KDM4C: variants seen among roughly 807,000 people sequenced by gnomAD.
The protein encoded by KDM4C is lysine demethylase 4C, also known as lysine-specific demethylase 4C.
Under a neutral mutation model 129.3 loss-of-function variants are expected in KDM4C, and 81 were observed. The ratio of observed to expected loss-of-function variants is 0.63; its 90% CI spans 0.52 to 0.75. The LOEUF (loss-of-function observed/expected upper bound fraction) is 0.75, where lower values mean the gene tolerates loss of function less well. Among genes scored for constraint, KDM4C ranks in the 30% least tolerant of loss-of-function variants. The probability of loss-of-function intolerance (pLI) is 0.00; values close to 1 mark genes in which losing one functional copy is unlikely to be tolerated. For missense variants in KDM4C, 1,457 were observed against 1,304.0 expected, an observed-to-expected ratio of 1.12 and a Z score of -1.81; for synonymous variants, 573 against 456.1, an observed-to-expected ratio of 1.26 and a Z score of -3.26.
intron 15 of KDM4C, among the ~76,000 whole-genome samples, chr9:7,027,834 A>G (rs1587025422): frequency 6.6e-6 from 1 of 152,112 alleles, no homozygotes; most frequent in African/African-American, 2.4e-5. Flanking sequence ...TTTCTTTCCC[A>G]TTTCTACTGG....
At chr9:6,996,222 T>C (rs1251583235) in intron 12 of KDM4C, among the ~76,000 whole-genome samples, 1 of 152,232 alleles carries the variant, frequency 6.6e-6, no homozygotes, top group East Asian at 1.9e-4. Context: ...ACTAGCATTC[T>C]TATCAGCAGC....
chr9:7,102,841 C>G (rs552802534), intron 17 of KDM4C, among the ~76,000 whole-genome samples: 1 of 152,290 alleles, frequency 6.6e-6, no homozygotes, highest in African/African-American at 2.4e-5. Context: ...AGACCTAACC[C>G]TATGTTTTTC....
intron 1 of KDM4C, among the ~76,000 whole-genome samples, chr9:6,788,682 G>C (rs1825944649): frequency 2.6e-5 from 4 of 152,148 alleles, no homozygotes; most frequent in Admixed American, 6.5e-5. Context: ...GTATGCTAGG[G>C]CTTAAAGAGG....
intron 1 of KDM4C, among the ~76,000 whole-genome samples, chr9:6,732,634 A>G (rs1817388637): frequency 6.6e-6 from 1 of 152,192 alleles, no homozygotes. Flanking sequence ...AAGGTCACAC[A>G]GGTATCAACC....
At chr9:6,872,345 A>G (rs1195548817) in intron 5 of KDM4C, among the ~76,000 whole-genome samples, 1 of 152,118 alleles carries the variant, frequency 6.6e-6, no homozygotes, top group East Asian at 1.9e-4. Context: ...ATAAAGAGGT[A>G]TTGATTTGGG....
chr9:6,982,476 A>T (rs1241124136), intron 9 of KDM4C: 1 of 152,228 alleles, frequency 6.6e-6, no homozygotes, highest in Non-Finnish European at 1.5e-5. Context: ...GGTAAGGGCA[A>T]ATATTCACTC....
intron 1 of KDM4C, among the ~76,000 whole-genome samples, chr9:6,781,578 C>T (rs1333692859): frequency 6.6e-6 from 1 of 152,072 alleles, no homozygotes; most frequent in Non-Finnish European, 1.5e-5. Flanking sequence ...CAGCATTATG[C>T]TTGGGAGCCA....
chr9:6,984,521 A>T, intron 10 of KDM4C, 117 bp downstream of exon 10: 1 of 699,304 alleles, frequency 1.4e-6, no homozygotes, highest in Non-Finnish European at 2.5e-6. Flanking sequence ...TTAATCAGTA[A>T]TCTACCAAAG....
At chr9:6,931,536 T>C (rs1823739487) in intron 8 of KDM4C, among the ~76,000 whole-genome samples, 1 of 152,086 alleles carries the variant, frequency 6.6e-6, no homozygotes, top group South Asian at 2.1e-4. Context: ...GGTCTTGTTC[T>C]TTCACCCAGG....
rs1185295415 is a variant in KDM4C at position 6,758,961 on chromosome 9, C to G, written c.-18+758C>G. Among the ~76,000 whole-genome samples the G allele has an allele frequency of 1.3e-5, 2 of 152,212 alleles. No homozygotes were observed. The highest frequency in any genetic ancestry group is 1.5e-5 in the Non-Finnish European group (1 of 68,038). Reference sequence around the variant, plus strand: ...GCCAGTAAAGCCAGCAGCCGGGATTCAGATGCTTTCCGCGTGGACTTGATG... The same window carrying G: ...GCCAGTAAAGCCAGCAGCCGGGATTGAGATGCTTTCCGCGTGGACTTGATG... On this transcript the variant is annotated intron_variant, in intron 1 of 21. Transcript: ENST00000381309. The surrounding 1 kb of genome is among the most constrained non-coding windows in gnomAD (Gnocchi z 4.6).
chr9:7,169,477 A>C (rs549080133), intron 20 of KDM4C, among the ~76,000 whole-genome samples: 1 of 152,186 alleles, frequency 6.6e-6, no homozygotes. Context: ...CTGGGACTAC[A>C]GGCATGCGCC....
intron 1 of KDM4C, among the ~76,000 whole-genome samples, chr9:6,790,727 A>T (rs1004320881): frequency 6.8e-6 from 1 of 147,510 alleles, no homozygotes; most frequent in South Asian, 2.2e-4. Context: ...GTGCTGTCAG[A>T]TGCCAGGTCC....
intron 1 of KDM4C, among the ~76,000 whole-genome samples, chr9:6,731,032 C>T (rs1257394215): frequency 6.6e-6 from 1 of 152,176 alleles, no homozygotes; most frequent in Non-Finnish European, 1.5e-5. Flanking sequence ...CTTTAACAAT[C>T]ACCCTCTTTT....
intron 18 of KDM4C, among the ~76,000 whole-genome samples, chr9:7,115,934 T>G (rs7862329): frequency 1.3e-5 from 2 of 151,960 alleles, no homozygotes; most frequent in South Asian, 4.1e-4. Flanking sequence ...TTCTTCACCA[T>G]TGCCAGTCAG....
At chr9:7,016,570 C>T (rs1288717402) in intron 15 of KDM4C, among the ~76,000 whole-genome samples, 55 of 151,652 alleles carry the variant, frequency 3.6e-4, no homozygotes, top group South Asian at 2.1e-4. Context: ...GGACTACGGG[C>T]GCCTGCCACC....
intron 20 of KDM4C, among the ~76,000 whole-genome samples, chr9:7,168,511 T>A (rs1279519395): frequency 2.0e-5 from 3 of 152,190 alleles, no homozygotes; most frequent in Non-Finnish European, 4.4e-5. Context: ...ACCTTTTCTT[T>A]GACAAAATCT....
At chr9:7,117,109 A>C (rs1273468786) in intron 18 of KDM4C, among the ~76,000 whole-genome samples, 1 of 152,202 alleles carries the variant, frequency 6.6e-6, no homozygotes, top group Admixed American at 6.5e-5. Flanking sequence ...AGTCTTCAAA[A>C]GTTATAGAAC....
intron 17 of KDM4C, among the ~76,000 whole-genome samples, chr9:7,059,705 G>T (rs1831349289): frequency 6.6e-6 from 1 of 152,170 alleles, no homozygotes; most frequent in Non-Finnish European, 1.5e-5. Context: ...TGCTAAAGCA[G>T]ATATGAGACT....
intron 18 of KDM4C, among the ~76,000 whole-genome samples, chr9:7,114,948 G>A (rs575571071): frequency 6.6e-6 from 1 of 152,250 alleles, no homozygotes; most frequent in Non-Finnish European, 1.5e-5. Context: ...TCGTGGTGGT[G>A]TGCGCCTATG....
Sources: allele counts gnomAD v4.1 joint callset (sites outside exome capture counted in the v4.1 genomes callset), GRCh38; gene constraint gnomAD v4.1.1; non-coding constraint Gnocchi (gnomAD v3.1); transcripts MANE v1.5; gene names NCBI Gene and HGNC (gene_info 2026-07-23, HGNC 2026-07-21).